The following ASPRV1 variants were observed in gnomAD, a reference collection of about 807,000 sequenced individuals.
ASPRV1 encodes retroviral-like aspartic protease 1.
In ASPRV1, 7 loss-of-function variants were observed where a neutral mutation model predicts 11.0. The ratio of observed to expected loss-of-function variants is 0.64; its 90% CI spans 0.36 to 1.20. The LOEUF is 1.20. Among genes scored for constraint, ASPRV1 ranks in the 50% most tolerant of loss-of-function variants. The pLI is 0.02. For synonymous variants in ASPRV1, 136 were observed against 138.4 expected, an observed-to-expected ratio of 0.98 and a Z score of 0.12; for missense variants, 299 against 320.0, an observed-to-expected ratio of 0.93 and a Z score of 0.50.
At chr2:70,086,167 G>A in the ASPRV1 span, 1 of 152,166 alleles carries the variant, frequency 6.6e-6, no homozygotes, top group African/African-American at 2.4e-5. Flanking sequence ...AAAACTCGCG[G>A]AGGTGGAAGG....
the ASPRV1 span, among the ~76,000 whole-genome samples, chr2:70,028,769 C>A: frequency 7.2e-5 from 11 of 152,056 alleles, no homozygotes; most frequent in African/African-American, 2.7e-4. Flanking sequence ...TTCTACATTC[C>A]ACCATGGGAT....
the ASPRV1 span, chr2:69,975,571 G>C: frequency 6.6e-6 from 1 of 152,286 alleles, no homozygotes; most frequent in Non-Finnish European, 1.5e-5. Flanking sequence ...AGAGAGAGAG[G>C]CGAAGTCCAT....
At chr2:70,024,386 T>C in the ASPRV1 span, among the ~76,000 whole-genome samples, 1 of 152,168 alleles carries the variant, frequency 6.6e-6, no homozygotes, top group South Asian at 2.1e-4. Context: ...ACAAAAGAGA[T>C]GGCTCTTGCC....
At chr2:69,968,788 C>T in the ASPRV1 span, among the ~76,000 whole-genome samples, 11 of 152,290 alleles carry the variant, frequency 7.2e-5, no homozygotes, top group Middle Eastern at 3.4e-3. Flanking sequence ...AACCCCTGGT[C>T]GCTGGGGACA....
the ASPRV1 span, among the ~76,000 whole-genome samples, chr2:70,083,906 C>T: frequency 6.6e-6 from 1 of 152,168 alleles, no homozygotes; most frequent in Non-Finnish European, 1.5e-5. Context: ...AGGGGCAGAG[C>T]TAGGACTAGG....
chr2:69,956,005 G>A (rs1428022053), downstream of ASPRV1, among the ~76,000 whole-genome samples: 1 of 152,068 alleles, frequency 6.6e-6, no homozygotes, highest in Non-Finnish European at 1.5e-5. Context: ...CAGAGCTCCT[G>A]GAGAAATGGC....
the ASPRV1 span, among the ~76,000 whole-genome samples, chr2:70,039,340 A>G: frequency 6.6e-6 from 1 of 152,172 alleles, no homozygotes; most frequent in Non-Finnish European, 1.5e-5. Flanking sequence ...TGATCTAGTA[A>G]ACCATCCATA....
chr2:70,064,287 C>CT, the ASPRV1 span, among the ~76,000 whole-genome samples: 1 of 152,066 alleles, frequency 6.6e-6, no homozygotes, highest in African/African-American at 2.4e-5. Context: ...CAGGTGCTGC[C>CT]CCCAATACTC....
chr2:69,938,409 C>CT, the ASPRV1 span: 3 of 959,010 alleles, frequency 3.1e-6, no homozygotes, highest in African/African-American at 1.7e-5. Flanking sequence ...CCAAAATCAG[C>CT]TTTGTAACTG....
the ASPRV1 span, among the ~76,000 whole-genome samples, chr2:70,080,147 T>C: frequency 3.3e-5 from 5 of 152,048 alleles, no homozygotes; most frequent in African/African-American, 4.8e-5. Context: ...TAAATTTCCA[T>C]ACATACCCCT....
At chr2:70,084,078 G>A in the ASPRV1 span, among the ~76,000 whole-genome samples, 1 of 152,192 alleles carries the variant, frequency 6.6e-6, no homozygotes, top group East Asian at 1.9e-4. Flanking sequence ...TCTCGGGGAA[G>A]GAGGGAGGCT....
the ASPRV1 span, among the ~76,000 whole-genome samples, chr2:69,972,028 G>C: frequency 1.3e-5 from 2 of 152,064 alleles, no homozygotes; most frequent in African/African-American, 4.8e-5. Context: ...TTGCTTTCAT[G>C]GCTGTGATTC....
At chr2:69,995,039 A>T in the ASPRV1 span, among the ~76,000 whole-genome samples, 1 of 150,892 alleles carries the variant, frequency 6.6e-6, no homozygotes, top group Non-Finnish European at 1.5e-5. Flanking sequence ...TAATTAATTA[A>T]ACAGAATAAT....
the ASPRV1 span, among the ~76,000 whole-genome samples, chr2:70,001,208 T>C: frequency 6.6e-6 from 1 of 152,062 alleles, no homozygotes; most frequent in Non-Finnish European, 1.5e-5. Context: ...TGTTTGAATA[T>C]ATTAATATAA....
At chr2:70,039,854 A>G in the ASPRV1 span, among the ~76,000 whole-genome samples, 1 of 152,210 alleles carries the variant, frequency 6.6e-6, no homozygotes, top group African/African-American at 2.4e-5. Flanking sequence ...AACATCTTAC[A>G]TTACAACCGG....
At chr2:69,990,883 C>T in the ASPRV1 span, among the ~76,000 whole-genome samples, 13 of 152,156 alleles carry the variant, frequency 8.5e-5, no homozygotes, top group African/African-American at 3.1e-4. Flanking sequence ...TCATACGCAG[C>T]CTCTAAGATC....
the ASPRV1 span, among the ~76,000 whole-genome samples, chr2:70,065,753 G>GC: frequency 7.3e-6 from 1 of 137,750 alleles, no homozygotes; most frequent in Non-Finnish European, 1.5e-5. Flanking sequence ...TGAGCCCAGA[G>GC]CGGTACAGTC....
At chr2:69,981,939 G>A in the ASPRV1 span, among the ~76,000 whole-genome samples, 1 of 152,176 alleles carries the variant, frequency 6.6e-6, no homozygotes, top group Non-Finnish European at 1.5e-5. Context: ...TGTCGGCAGA[G>A]CAGGTGGCCA....
the ASPRV1 span, among the ~76,000 whole-genome samples, chr2:70,008,504 C>T: frequency 2.9e-3 from 379 of 129,224 alleles, 2 homozygotes; most frequent in African/African-American, 0.013. Flanking sequence ...GATCAGGTTG[C>T]CTGTGTCTTC....
Sources: allele counts gnomAD v4.1 joint callset (sites outside exome capture counted in the v4.1 genomes callset), GRCh38; gene constraint gnomAD v4.1.1; transcripts MANE v1.5; gene names NCBI Gene and HGNC (gene_info 2026-07-23, HGNC 2026-07-21).